Variants in CENPK observed in about 807,000 individuals in gnomAD.
The protein encoded by CENPK is centromere protein K.
Under a neutral mutation model 40.9 loss-of-function variants are expected in CENPK, and 46 were observed. That is an observed-to-expected ratio of 1.13 (90% CI 0.89 to 1.44). CENPK has a LOEUF of 1.44. Among genes scored for constraint, CENPK ranks in the 40% most tolerant of loss-of-function variants. CENPK has a pLI of 0.00. For missense variants in CENPK, 288 were observed against 303.5 expected (o/e 0.95, Z 0.38); for synonymous variants, 107 against 104.4 (o/e 1.02, Z -0.15).
the CENPK span, among the ~76,000 whole-genome samples, chr5:65,501,396 C>T: frequency 1.3e-5 from 2 of 152,080 alleles, no homozygotes; most frequent in South Asian, 2.1e-4. Context: ...CCAGGCTGGT[C>T]CCGAACTCCT....
chr5:65,521,509 G>T lies in CENPK; in HGVS notation c.617C>A (p.Ser206Tyr), dbSNP rs759382373. The T allele has an allele frequency of 1.6e-5, 26 of 1,607,686 alleles. No individual in the cohort carries two copies. Among genetic ancestry groups the T allele is most frequent in the African/African-American group, 5.4e-5 (4 of 74,668 alleles). The change falls in exon 10 of 11, where the codon TCT becomes TAT. Residue 206 changes from serine (S) to tyrosine (Y), a missense_variant. By Grantham distance (144) the Ser-to-Tyr change is moderately radical. Coordinates refer to ENST00000396679, the MANE Select transcript of CENPK (RefSeq NM_022145.5). ...TTCATGCAGTGTTATCAGGTTTACA[G>T]ATGATTCTTGAATGTTTTTCTTCAA... is the stretch of plus-strand genomic sequence containing the variant. Reference protein sequence around the residue: ...KKKKKNIQESSVNLITLHEML... With the variant: ...KKKKKNIQESYVNLITLHEML...
At chr5:65,504,472 A>AC in the CENPK span, among the ~76,000 whole-genome samples, 9 of 151,710 alleles carry the variant, frequency 5.9e-5, no homozygotes, top group East Asian at 1.5e-3. Flanking sequence ...AAAAAAAAAA[A>AC]AAAAACCCAC....
intron 9 of CENPK, among the ~76,000 whole-genome samples, chr5:65,523,036 CTGTAA>C (rs1744062040): frequency 6.6e-6 from 1 of 152,134 alleles, no homozygotes. Flanking sequence ...CTTCCTTATT[CTGTAA>C]TGTAATGTAT....
chr5:65,554,142 ATT>A (rs34320009), intron 3 of CENPK, among the ~76,000 whole-genome samples: 7 of 143,824 alleles, frequency 4.9e-5, no homozygotes, highest in East Asian at 2.0e-4. Context: ...ACCAGTAATT[ATT>A]TTTTTTTTTT....
At chr5:65,511,295 G>A in the CENPK span, among the ~76,000 whole-genome samples, 1 of 152,164 alleles carries the variant, frequency 6.6e-6, no homozygotes, top group Admixed American at 6.5e-5. Flanking sequence ...GCTGCACCAA[G>A]TTATCCGGAA....
intron 9 of CENPK, among the ~76,000 whole-genome samples, chr5:65,527,498 C>T (rs914517259): frequency 1.1e-5 from 1 of 91,720 alleles, no homozygotes; most frequent in Non-Finnish European, 2.1e-5. Context: ...TTATTAACAC[C>T]ATATATATAT....
At chr5:65,537,251 C>A (rs1194129756) in intron 6 of CENPK, among the ~76,000 whole-genome samples, 1 of 152,212 alleles carries the variant, frequency 6.6e-6, no homozygotes, top group Non-Finnish European at 1.5e-5. Context: ...CTCAATTCTC[C>A]CTACAACTAT....
At chr5:65,531,782 G>A (rs1248970732) in intron 6 of CENPK, among the ~76,000 whole-genome samples, 1 of 152,030 alleles carries the variant, frequency 6.6e-6, no homozygotes, top group African/African-American at 2.4e-5. Flanking sequence ...GATTACAGGC[G>A]TGAGCCACTG....
At chr5:65,525,376 A>G (rs926233231) in intron 9 of CENPK, among the ~76,000 whole-genome samples, 2 of 152,250 alleles carry the variant, frequency 1.3e-5, no homozygotes, top group Non-Finnish European at 2.9e-5. Flanking sequence ...AAAAAAAAAA[A>G]AGTAAAATTA....
At chr5:65,501,477 C>A in the CENPK span, among the ~76,000 whole-genome samples, 189 of 152,172 alleles carry the variant, frequency 1.2e-3, 2 homozygotes, top group African/African-American at 4.3e-3. Flanking sequence ...CTGCTCCTGG[C>A]CCTCTGTTTT....
At chr5:65,547,540 C>T (rs1749224875) in intron 5 of CENPK, among the ~76,000 whole-genome samples, 1 of 151,986 alleles carries the variant, frequency 6.6e-6, no homozygotes, top group African/African-American at 2.4e-5. Flanking sequence ...TAATGACTAA[C>T]AGGTAGTAAC....
chr5:65,532,782 G>A (rs1302985564), intron 6 of CENPK, among the ~76,000 whole-genome samples: 2 of 151,506 alleles, frequency 1.3e-5, no homozygotes, highest in Admixed American at 1.3e-4. Flanking sequence ...GGTGGAGCAT[G>A]CCTGTAATCC....
At chr5:65,532,022 G>A (rs950947084) in intron 6 of CENPK, among the ~76,000 whole-genome samples, 5 of 152,106 alleles carry the variant, frequency 3.3e-5, no homozygotes, top group African/African-American at 9.7e-5. Context: ...ATTATGGGGT[G>A]GAGAGAAGGA....
At chr5:65,531,560 G>A (rs1423064811) in intron 6 of CENPK, among the ~76,000 whole-genome samples, 1 of 151,240 alleles carries the variant, frequency 6.6e-6, no homozygotes, top group African/African-American at 2.4e-5. Context: ...CTGGAGTGCA[G>A]TGGCACTATC....
At chr5:65,544,883 G>C (rs1487336095) in intron 5 of CENPK, among the ~76,000 whole-genome samples, 2 of 152,174 alleles carry the variant, frequency 1.3e-5, no homozygotes, top group Non-Finnish European at 2.9e-5. Context: ...GATGGAAAAG[G>C]AGAGTTGTTG....
chr5:65,539,610 T>C (rs965775723), intron 6 of CENPK, among the ~76,000 whole-genome samples: 2 of 152,214 alleles, frequency 1.3e-5, no homozygotes, highest in African/African-American at 4.8e-5. Flanking sequence ...GCTGAGCAGG[T>C]GTTTGGGGAC....
At chr5:65,531,594 C>G (rs1745858187) in intron 6 of CENPK, among the ~76,000 whole-genome samples, 1 of 151,720 alleles carries the variant, frequency 6.6e-6, no homozygotes, top group South Asian at 2.1e-4. Flanking sequence ...ACCTCTGCCT[C>G]CCGGGTTCAA....
chr5:65,496,667 GTGGT>G, the CENPK span, among the ~76,000 whole-genome samples: 1 of 152,096 alleles, frequency 6.6e-6, no homozygotes, highest in Non-Finnish European at 1.5e-5. Context: ...AAGGTTACAA[GTGGT>G]TATCTCTGGG....
intron 3 of CENPK, among the ~76,000 whole-genome samples, chr5:65,554,594 T>C (rs1261628005): frequency 2.0e-5 from 3 of 152,296 alleles, no homozygotes; most frequent in South Asian, 2.1e-4. Flanking sequence ...CTTGGGAGCA[T>C]GGATTGTCAA....
Sources: allele counts gnomAD v4.1 joint callset (sites outside exome capture counted in the v4.1 genomes callset), GRCh38; gene constraint gnomAD v4.1.1; transcripts MANE v1.5; gene names NCBI Gene and HGNC (gene_info 2026-07-23, HGNC 2026-07-21).